Variants in MYLK observed in about 807,000 individuals in gnomAD.
MYLK encodes the protein myosin light chain kinase.
In MYLK, 106 loss-of-function variants were observed where a neutral mutation model predicts 203.4. The ratio of observed to expected loss-of-function variants is 0.52; its 90% CI spans 0.45 to 0.61. The LOEUF (loss-of-function observed/expected upper bound fraction) is 0.61. Ranked by LOEUF, MYLK falls within the 20% of genes least tolerant of loss-of-function variation. The pLI is 0.00. For synonymous variants in MYLK, 867 were observed against 959.5 expected (o/e 0.90, Z 1.78); for missense variants, 2,072 against 2,442.3 (o/e 0.85, Z 3.20).
At position 123,680,880 on chromosome 3, in the gene MYLK, C is replaced by G. The variant is rs569159876; in HGVS notation, c.3652+1344G>C. 4 of 152,310 alleles carry G rather than the reference C, an allele frequency of 2.6e-5. No individual in the cohort carries two copies. In the South Asian group the frequency reaches 8.3e-4, roughly 32 times the overall value. The allele number at this position is 152,310 out of a possible 1,614,324, so 9.4% of individuals were successfully genotyped here. On this transcript the variant is annotated intron_variant, in intron 20 of 33. Transcript: ENST00000360304. ...ATGTGCTGGGGATGTTCAAGCAACT[C>G]TGCACCCTCTGTTGAAATTGTAGTT...
intron 2 of MYLK, among the ~76,000 whole-genome samples, chr3:123,841,561 T>C (rs2148648529): frequency 6.6e-6 from 1 of 152,232 alleles, no homozygotes; most frequent in South Asian, 2.1e-4. Flanking sequence ...TGTCAGTTCC[T>C]TTTTTTCCGT....
chr3:123,792,132 C>T (rs563335046), intron 4 of MYLK, among the ~76,000 whole-genome samples: 41 of 152,238 alleles, frequency 2.7e-4, no homozygotes, highest in Admixed American at 2.2e-3. Flanking sequence ...TTTCATGACA[C>T]CAAGGTCAGC....
At chr3:123,631,657 G>A (rs1471249337) in intron 29 of MYLK, among the ~76,000 whole-genome samples, 2 of 152,134 alleles carry the variant, frequency 1.3e-5, no homozygotes, top group African/African-American at 4.8e-5. Context: ...AATGTGAATT[G>A]TCTCATCCTA....
At chr3:123,674,657 C>G (rs146114320) in intron 20 of MYLK, among the ~76,000 whole-genome samples, 115 of 152,362 alleles carry the variant, frequency 7.5e-4, no homozygotes, top group African/African-American at 2.6e-3. Context: ...GCTACTGCTG[C>G]TGGTCCCTGC....
intron 3 of MYLK, among the ~76,000 whole-genome samples, chr3:123,807,405 G>A (rs1239154822): frequency 6.6e-6 from 1 of 151,826 alleles, no homozygotes; most frequent in Non-Finnish European, 1.5e-5. Flanking sequence ...CTCCAGCCTG[G>A]GCAATGGAGT....
intron 24 of MYLK, among the ~76,000 whole-genome samples, chr3:123,655,791 AC>A (rs1438280825): frequency 3.3e-5 from 5 of 152,216 alleles, no homozygotes; most frequent in Non-Finnish European, 5.9e-5. Flanking sequence ...GAGGGTAATA[AC>A]AGTATCTGCT....
At chr3:123,704,449 G>A (rs2061371987) in intron 16 of MYLK, among the ~76,000 whole-genome samples, 1 of 152,152 alleles carries the variant, frequency 6.6e-6, no homozygotes, top group South Asian at 2.1e-4. Context: ...CAGAGCATAT[G>A]GGGCTATCAT....
At chr3:123,638,383 C>T (rs2058719626) in intron 28 of MYLK, among the ~76,000 whole-genome samples, 189 bp from the exon 29 acceptor site, 1 of 152,056 alleles carries the variant, frequency 6.6e-6, no homozygotes, top group Non-Finnish European at 1.5e-5. Flanking sequence ...GTGAAACCAA[C>T]AAACCTCACA....
At chr3:123,827,269 G>C (rs2148607194) in intron 3 of MYLK, among the ~76,000 whole-genome samples, 1 of 152,250 alleles carries the variant, frequency 6.6e-6, no homozygotes, top group African/African-American at 2.4e-5. Flanking sequence ...CTAAGTCTTA[G>C]GGGAGAGATG....
At chr3:123,707,581 A>G (rs948088815) in intron 16 of MYLK, among the ~76,000 whole-genome samples, 173 bp downstream of exon 16, 1 of 152,222 alleles carries the variant, frequency 6.6e-6, no homozygotes, top group Non-Finnish European at 1.5e-5. Context: ...CATTTGCTAT[A>G]CTGAAGTGGA....
intron 22 of MYLK, among the ~76,000 whole-genome samples, chr3:123,664,696 G>C (rs1344290770): frequency 5.3e-5 from 8 of 152,298 alleles, no homozygotes; most frequent in Non-Finnish European, 1.2e-4. Flanking sequence ...AATTAGTTAA[G>C]TGGAAACAAC....
At chr3:123,669,234 C>T (rs1235042073) in intron 20 of MYLK, among the ~76,000 whole-genome samples, 1 of 152,188 alleles carries the variant, frequency 6.6e-6, no homozygotes, top group Non-Finnish European at 1.5e-5. Flanking sequence ...ACCAGGTTCC[C>T]TCTGGCTCAT....
At chr3:123,872,392 A>G (rs1298951146) in intron 2 of MYLK, among the ~76,000 whole-genome samples, 1 of 152,138 alleles carries the variant, frequency 6.6e-6, no homozygotes, top group African/African-American at 2.4e-5. Flanking sequence ...AATCCAATTC[A>G]ATGCTAACAC....
rs114648135 is a variant in MYLK at position 123,690,244 on chromosome 3, C to G, written c.3565+2491G>C. On this transcript the variant is annotated intron_variant, in intron 19 of 33. Coordinates refer to ENST00000360304, the MANE Select transcript of MYLK (RefSeq NM_053025.4). ...GCAGCTGGAGACAGGCTGGAAGAGC[C>G]CACACAATGGCTGGGCTTGAAAATT... Among the ~76,000 whole-genome samples, 1,466 of 152,240 alleles carry G rather than the reference C, an allele frequency of 9.6e-3. 6 individuals are homozygous for G. The highest frequency in any genetic ancestry group is 0.016 in the Non-Finnish European group (1,114 of 67,998).
chr3:123,750,079 G>A (rs990340099), intron 5 of MYLK, among the ~76,000 whole-genome samples: 7 of 152,228 alleles, frequency 4.6e-5, no homozygotes, highest in Admixed American at 2.0e-4. Flanking sequence ...TTCAGGCCTA[G>A]GTCTGTGGGG....
chr3:123,774,307 T>C (rs542021549), intron 4 of MYLK, among the ~76,000 whole-genome samples: 1 of 152,190 alleles, frequency 6.6e-6, no homozygotes, highest in South Asian at 2.1e-4. Flanking sequence ...TTACAATACT[T>C]TTGCAGGGTC....
intron 21 of MYLK, chr3:123,666,919 A>G: frequency 1.6e-6 from 1 of 612,174 alleles, no homozygotes; most frequent in Non-Finnish European, 2.9e-6. Context: ...GCAGATGGAA[A>G]GACAAAGCTG....
Position 123,657,710 on chromosome 3 carries a change from C to T in MYLK, c.3986-282G>A, listed in dbSNP as rs147076999. Among the ~76,000 whole-genome samples the T allele has an allele frequency of 4.6e-4, 70 of 152,288 alleles. No individual in the cohort carries two copies. In the East Asian group the frequency reaches 9.3e-3, roughly 20 times the overall value. The stretch of plus-strand genomic sequence containing the variant: ...CAAGTCACGATTTCCTGTACTTTGC[C>T]CAAGTCATAAACATATTTGTCAGAG... On this transcript the variant is annotated intron_variant, in intron 23 of 33. Transcript: ENST00000360304.
rs532530064 is a variant in MYLK at position 123,629,884 on chromosome 3, G to A, written c.4962-258C>T. The A allele has an allele frequency of 2.3e-4, 120 of 524,232 alleles. No homozygotes were observed. Among genetic ancestry groups the A allele is most frequent in the East Asian group, 5.9e-4 (17 of 28,890 alleles). The allele number at this position is 524,232 out of a possible 1,614,324, so 32.5% of individuals were successfully genotyped here. ...GTGCAGCAGGTTGGCTTTAGATTAC[G>A]GGCTTCTGCAGGGTACGCGGCAGGG... is the stretch of plus-strand genomic sequence containing the variant. On this transcript the variant is annotated intron_variant, in intron 29 of 33. Transcript: ENST00000360304. The surrounding 1 kb of genome is among the most constrained non-coding windows in gnomAD (Gnocchi z 4.4).
Sources: allele counts gnomAD v4.1 joint callset (sites outside exome capture counted in the v4.1 genomes callset), GRCh38; gene constraint gnomAD v4.1.1; non-coding constraint Gnocchi (gnomAD v3.1); transcripts MANE v1.5; gene names NCBI Gene and HGNC (gene_info 2026-07-23, HGNC 2026-07-21).